Variants in DACH1 observed in about 807,000 individuals in gnomAD.
DACH1 encodes dachshund homolog 1.
Under a neutral mutation model 54.2 loss-of-function variants are expected in DACH1, and 12 were observed. The ratio of observed to expected loss-of-function variants is 0.22; its 90% CI spans 0.14 to 0.36. DACH1 has a LOEUF of 0.36. DACH1 is among the 10% of genes least tolerant of loss of function. The pLI is 1.00. For synonymous variants in DACH1, 386 were observed against 366.2 expected (o/e 1.05, Z -0.62); for missense variants, 805 against 929.8 (o/e 0.87, Z 1.75).
At chr13:71,666,180 G>A (rs1879822093) in intron 2 of DACH1, among the ~76,000 whole-genome samples, 1 of 152,072 alleles carries the variant, frequency 6.6e-6, no homozygotes, top group Non-Finnish European at 1.5e-5. Flanking sequence ...TATAAAAGTA[G>A]TTGGAATTTT....
intron 2 of DACH1, among the ~76,000 whole-genome samples, chr13:71,657,681 T>C (rs1879215612): frequency 6.6e-6 from 1 of 152,222 alleles, no homozygotes; most frequent in Non-Finnish European, 1.5e-5. Flanking sequence ...GTACAAAATG[T>C]TGTGAATGTA....
chr13:71,855,471 C>T (rs2138275584), intron 1 of DACH1, among the ~76,000 whole-genome samples: 2 of 152,036 alleles, frequency 1.3e-5, no homozygotes, highest in East Asian at 3.9e-4. Context: ...TATGACCTTA[C>T]CCATTTATAT....
intron 10 of DACH1, 109 bp from the exon 11 acceptor site, chr13:71,440,801 T>A: frequency 1.2e-6 from 1 of 826,170 alleles, no homozygotes; most frequent in Non-Finnish European, 1.9e-6. Flanking sequence ...ATTAGATCTT[T>A]ACTTGGTTAA....
chr13:71,634,785 T>A (rs1178254067), intron 2 of DACH1, among the ~76,000 whole-genome samples: 2 of 152,202 alleles, frequency 1.3e-5, no homozygotes, highest in Non-Finnish European at 2.9e-5. Flanking sequence ...CCATGGAGTT[T>A]TAAACTATGC....
intron 6 of DACH1, among the ~76,000 whole-genome samples, chr13:71,493,318 C>A (rs116619429): frequency 0.012 from 1,843 of 152,202 alleles, 30 homozygotes; most frequent in African/African-American, 0.041. Context: ...GAGGGCCAAC[C>A]TCACGAGTTG....
chr13:71,681,891 G>C lies in DACH1; in HGVS notation c.868C>G (p.Pro290Ala). Residue 290 changes from proline (P) to alanine (A), a missense_variant, in exon 2 of 11, where the codon CCT becomes GCT. Coordinates refer to ENST00000613252, the MANE Select transcript of DACH1 (RefSeq NM_080759.6). ...TNASSRPGRP[P>A]KRTQSVTSPE... Reference sequence around the variant, plus strand: ...GAGGTGACACTTTGAGTCCTCTTAGGAGGCCTTCCAGGTCTAGAACTGAAA... The same window carrying C: ...GAGGTGACACTTTGAGTCCTCTTAGCAGGCCTTCCAGGTCTAGAACTGAAA... 1 of 1,612,830 alleles carries C rather than the reference G, an allele frequency of 6.2e-7. No individual in the cohort carries two copies. Among genetic ancestry groups the C allele is most frequent in the Non-Finnish European group, 8.5e-7 (1 of 1,179,236 alleles).
intron 2 of DACH1, among the ~76,000 whole-genome samples, chr13:71,669,906 A>C (rs1308394888): frequency 1.3e-5 from 2 of 152,062 alleles, no homozygotes; most frequent in Non-Finnish European, 2.9e-5. Flanking sequence ...TAAAGGCCAG[A>C]CCTTTTAGTT....
intron 3 of DACH1, among the ~76,000 whole-genome samples, chr13:71,606,326 T>C (rs1874878977): frequency 6.6e-6 from 1 of 152,078 alleles, no homozygotes; most frequent in Admixed American, 6.6e-5. Context: ...TCTAAATCAG[T>C]TTGATAACTG....
intron 1 of DACH1, among the ~76,000 whole-genome samples, chr13:71,850,629 T>A (rs757196645): frequency 2.0e-5 from 3 of 152,206 alleles, no homozygotes; most frequent in Non-Finnish European, 4.4e-5. Context: ...ACAAAAATGT[T>A]GAGGAGTAAT....
chr13:71,695,926 T>C (rs985532877), intron 1 of DACH1, among the ~76,000 whole-genome samples: 1 of 152,204 alleles, frequency 6.6e-6, no homozygotes, highest in African/African-American at 2.4e-5. Context: ...AGATGGGCCA[T>C]GTGTGATCTA....
intron 7 of DACH1, among the ~76,000 whole-genome samples, chr13:71,483,639 A>C (rs1386183706): frequency 1.3e-5 from 2 of 151,138 alleles, no homozygotes; most frequent in African/African-American, 4.8e-5. Flanking sequence ...GTAAAGTAAA[A>C]TTATTGGCCA....
chr13:71,670,230 A>T (rs1191834801), intron 2 of DACH1, among the ~76,000 whole-genome samples: 5 of 152,196 alleles, frequency 3.3e-5, no homozygotes, highest in African/African-American at 9.7e-5. Context: ...ACGTTTGCGT[A>T]ATCTGATTCA....
At chr13:71,544,054 C>T (rs964073731) in intron 6 of DACH1, among the ~76,000 whole-genome samples, 2 of 152,130 alleles carry the variant, frequency 1.3e-5, no homozygotes, top group Non-Finnish European at 2.9e-5. Flanking sequence ...AGAAGAACCA[C>T]ACCTTCTCTC....
chr13:71,671,766 C>T (rs1880221386), intron 2 of DACH1, among the ~76,000 whole-genome samples: 1 of 152,036 alleles, frequency 6.6e-6, no homozygotes, highest in Admixed American at 6.6e-5. Flanking sequence ...AACTTTTCAT[C>T]CCAGTTTTCT....
intron 2 of DACH1, chr13:71,675,324 C>T: frequency 1.9e-6 from 3 of 1,594,140 alleles, no homozygotes; most frequent in Non-Finnish European, 2.6e-6. Context: ...GCTTCCAGAG[C>T]GCAGCTATCG....
In DACH1 at chr13:71,782,732, C is replaced by T. The variant is rs543559605; in HGVS notation, c.848+83190G>A. On this transcript the variant is annotated intron_variant, in intron 1 of 10. Coordinates refer to ENST00000613252, the MANE Select transcript of DACH1 (RefSeq NM_080759.6). ...CAGAGTTTTTACCTTCATTTTCATA[C>T]CTAACAATCCTGAGAAATCAAAAAT... Among the ~76,000 whole-genome samples, 8 of 152,108 alleles carry T rather than the reference C, an allele frequency of 5.3e-5. No individual in the cohort carries two copies. In the South Asian group the frequency reaches 1.7e-3, roughly 32 times the overall value.
intron 3 of DACH1, among the ~76,000 whole-genome samples, chr13:71,620,432 C>A (rs1876139351): frequency 6.6e-6 from 1 of 151,680 alleles, no homozygotes; most frequent in African/African-American, 2.4e-5. Flanking sequence ...GAAAATCTAT[C>A]TTTTTTTTCC....
At chr13:71,824,356 C>G (rs997289032) in intron 1 of DACH1, among the ~76,000 whole-genome samples, 2 of 151,762 alleles carry the variant, frequency 1.3e-5, no homozygotes, top group African/African-American at 2.4e-5. Context: ...AACAAGTTGA[C>G]AGACTGAAAT....
chr13:71,618,871 G>A (rs1875986030), intron 3 of DACH1, among the ~76,000 whole-genome samples: 3 of 151,700 alleles, frequency 2.0e-5, no homozygotes, highest in Admixed American at 2.0e-4. Flanking sequence ...TCAATTATGT[G>A]TCTAAATTTA....
Sources: allele counts gnomAD v4.1 joint callset (sites outside exome capture counted in the v4.1 genomes callset), GRCh38; gene constraint gnomAD v4.1.1; transcripts MANE v1.5; gene names NCBI Gene and HGNC (gene_info 2026-07-23, HGNC 2026-07-21).